ACTR3C: variants seen among roughly 807,000 people sequenced by gnomAD.
ACTR3C encodes actin-related protein 3C.
In ACTR3C, 18 loss-of-function variants were observed where a neutral mutation model predicts 26.3. That is an observed-to-expected ratio of 0.68 (90% confidence interval 0.47 to 1.01). The LOEUF (loss-of-function observed/expected upper bound fraction) is 1.01, where lower values mean the gene tolerates loss of function less well. ACTR3C is among the 50% of genes least tolerant of loss of function. The pLI is 0.00. For synonymous variants in ACTR3C, 55 were observed against 94.5 expected (o/e 0.58, Z 2.42); for missense variants, 184 against 250.7 (o/e 0.73, Z 1.80).
At chr7:149,937,951 T>C in the ACTR3C span, among the ~76,000 whole-genome samples, 1 of 152,060 alleles carries the variant, frequency 6.6e-6, no homozygotes, top group Non-Finnish European at 1.5e-5. Flanking sequence ...CAGCGGGGAA[T>C]GGGAGGAGGC....
chr7:149,896,050 A>AC, the ACTR3C span, among the ~76,000 whole-genome samples: 2 of 149,200 alleles, frequency 1.3e-5, no homozygotes, highest in African/African-American at 4.9e-5. Context: ...AAAAAAAAAA[A>AC]AAAAAACACA....
chr7:150,141,201 C>T, the ACTR3C span, among the ~76,000 whole-genome samples: 2 of 152,250 alleles, frequency 1.3e-5, no homozygotes. Context: ...GATGGAGAAG[C>T]TGCACCAGAA....
At chr7:150,113,965 A>G in the ACTR3C span, among the ~76,000 whole-genome samples, 2 of 152,094 alleles carry the variant, frequency 1.3e-5, no homozygotes, top group African/African-American at 4.8e-5. Flanking sequence ...CGTGCTCTAC[A>G]GGATAAAGAG....
At chr7:150,109,556 G>A in the ACTR3C span, among the ~76,000 whole-genome samples, 20,132 of 146,970 alleles carry the variant, frequency 0.14, 1,627 homozygotes, top group African/African-American at 0.2. Flanking sequence ...TCAGCCTGAC[G>A]ACCACAGTCT....
intron 1 of ACTR3C, among the ~76,000 whole-genome samples, chr7:150,315,687 T>A (rs945985843): frequency 3.3e-5 from 5 of 152,140 alleles, no homozygotes; most frequent in African/African-American, 4.8e-5. Flanking sequence ...CCTCCCTGGG[T>A]CATTGTTACA....
chr7:150,149,028 T>C, the ACTR3C span, among the ~76,000 whole-genome samples: 4 of 147,456 alleles, frequency 2.7e-5, no homozygotes, highest in Non-Finnish European at 4.5e-5. Context: ...CATAAAACGA[T>C]GTCTCTCTTC....
chr7:150,023,302 GATAGATAGATAGATAC>G, the ACTR3C span, among the ~76,000 whole-genome samples: 11 of 42,586 alleles, frequency 2.6e-4, no homozygotes, highest in African/African-American at 7.7e-4. Flanking sequence ...TAGATAGATA[GATAGATAGATAGATAC>G]ATACATACAT....
the ACTR3C span, among the ~76,000 whole-genome samples, chr7:150,097,823 G>C: frequency 5.9e-3 from 897 of 151,544 alleles, 38 homozygotes; most frequent in African/African-American, 0.021. Flanking sequence ...CTCTTAGAAA[G>C]TGTGTTACCA....
At chr7:150,051,499 T>TA in the ACTR3C span, among the ~76,000 whole-genome samples, 2 of 148,100 alleles carry the variant, frequency 1.4e-5, no homozygotes, top group African/African-American at 4.9e-5. Context: ...TATTTCCCTC[T>TA]ACTCAATTTC....
At chr7:150,115,620 C>T in the ACTR3C span, among the ~76,000 whole-genome samples, 1 of 152,214 alleles carries the variant, frequency 6.6e-6, no homozygotes. Flanking sequence ...AGATCTAATC[C>T]CAATCCTCAG....
At chr7:149,979,878 G>A in the ACTR3C span, among the ~76,000 whole-genome samples, 6 of 149,290 alleles carry the variant, frequency 4.0e-5, no homozygotes, top group Non-Finnish European at 7.4e-5. Context: ...GGATGCTGGA[G>A]GATCTTGGGG....
intron 6 of ACTR3C, among the ~76,000 whole-genome samples, chr7:150,270,521 G>C (rs1036479779): frequency 6.7e-6 from 1 of 148,810 alleles, no homozygotes; most frequent in Admixed American, 6.7e-5. Flanking sequence ...ACACCTGGCA[G>C]TCTAGAAGCT....
the ACTR3C span, among the ~76,000 whole-genome samples, chr7:150,017,951 C>G: frequency 1.3e-5 from 2 of 150,252 alleles, no homozygotes; most frequent in African/African-American, 2.5e-5. Flanking sequence ...TTCTTGCAAG[C>G]AAAGGCCACC....
At chr7:150,269,372 C>A (rs1315299568) in intron 6 of ACTR3C, among the ~76,000 whole-genome samples, 3 of 147,446 alleles carry the variant, frequency 2.0e-5, no homozygotes, top group Non-Finnish European at 4.5e-5. Flanking sequence ...GCCTCACACT[C>A]CCCCCGCTGT....
chr7:150,010,707 A>T, the ACTR3C span, among the ~76,000 whole-genome samples: 1 of 151,732 alleles, frequency 6.6e-6, no homozygotes, highest in African/African-American at 2.4e-5. Flanking sequence ...AAAAAAAAAA[A>T]AAAAATAAGC....
At chr7:150,033,270 C>A in the ACTR3C span, among the ~76,000 whole-genome samples, 1 of 152,106 alleles carries the variant, frequency 6.6e-6, no homozygotes, top group Non-Finnish European at 1.5e-5. Flanking sequence ...GCTCCTGGAC[C>A]CTTTTCTTCT....
chr7:149,886,833 G>A, the ACTR3C span, among the ~76,000 whole-genome samples: 18 of 152,102 alleles, frequency 1.2e-4, no homozygotes, highest in South Asian at 4.2e-4. Context: ...AGAGGTGTGA[G>A]CCTGTAGTCC....
At chr7:150,198,475 G>C in the ACTR3C span, among the ~76,000 whole-genome samples, 1 of 140,852 alleles carries the variant, frequency 7.1e-6, no homozygotes, top group Non-Finnish European at 1.5e-5. Flanking sequence ...TCTGAGATGT[G>C]GGGAGCGCCT....
the ACTR3C span, among the ~76,000 whole-genome samples, chr7:150,199,031 G>A: frequency 1.4e-5 from 2 of 145,690 alleles, no homozygotes; most frequent in African/African-American, 5.4e-5. Context: ...GGAGGTGAGG[G>A]GCGCCTCTGC....
Sources: gnomAD v4.1 joint callset for allele counts (sites outside exome capture counted in the v4.1 genomes callset) on GRCh38, gnomAD v4.1.1 for gene constraint, MANE v1.5 for transcripts, NCBI Gene and HGNC (gene_info 2026-07-23, HGNC 2026-07-21) for gene names.